The following ANAPC16 variants were observed in gnomAD, a reference collection of about 807,000 sequenced individuals.
ANAPC16 encodes the protein anaphase-promoting complex subunit 16.
A neutral mutation model predicts 13.1 loss-of-function variants in ANAPC16; 6 were observed. The ratio of observed to expected loss-of-function variants is 0.46; its 90% CI spans 0.25 to 0.90. The LOEUF (loss-of-function observed/expected upper bound fraction) is 0.90, where lower values mean the gene tolerates loss of function less well. Among genes scored for constraint, ANAPC16 ranks in the 40% least tolerant of loss-of-function variants. The pLI, the probability that ANAPC16 is intolerant of heterozygous loss-of-function variation, is 0.18. For missense variants in ANAPC16, 113 were observed against 131.1 expected (o/e 0.86, Z 0.67); for synonymous variants, 55 against 51.3 (o/e 1.07, Z -0.31).
Position 72,218,183 on chromosome 10 carries a change from T to A in ANAPC16, c.-28+2045T>A, listed in dbSNP as rs1416710971. On this transcript the variant is annotated intron_variant, in intron 1 of 3. Coordinates refer to ENST00000299381, the MANE Select transcript of ANAPC16 (RefSeq NM_173473.4). ...AAAAAAAAATATATATATATATATA[T>A]ATATATATATATATATATATATATA... 3.1e-3 allele frequency among the ~76,000 whole-genome samples: 120 copies of A among 39,154 alleles called. 4 individuals are homozygous for A. The highest frequency in any genetic ancestry group is 0.015 in the African/African-American group (99 of 6,704). 25.7% of individuals were successfully genotyped at this position (39,154 alleles called of 152,430 possible).
chr10:72,219,332 G>A (rs996866922), intron 1 of ANAPC16, among the ~76,000 whole-genome samples: 3 of 152,136 alleles, frequency 2.0e-5, no homozygotes, highest in African/African-American at 7.2e-5. Flanking sequence ...GTGTAGTCCG[G>A]AAGATTGGAT....
chr10:72,217,302 G>A (rs2133627808), intron 1 of ANAPC16, among the ~76,000 whole-genome samples: 1 of 152,002 alleles, frequency 6.6e-6, no homozygotes, highest in South Asian at 2.1e-4. Context: ...GTGAAACCCC[G>A]TCTCTCCTAA....
intron 1 of ANAPC16, among the ~76,000 whole-genome samples, chr10:72,222,035 C>T (rs1010353924): frequency 4.7e-5 from 7 of 148,726 alleles, no homozygotes; most frequent in African/African-American, 1.7e-4. Context: ...GCCATTTTTT[C>T]TTTAAAAAAT....
intron 1 of ANAPC16, among the ~76,000 whole-genome samples, chr10:72,222,726 G>A (rs868396216): frequency 1.2e-4 from 18 of 152,156 alleles, no homozygotes; most frequent in African/African-American, 4.3e-4. Flanking sequence ...GCGGTGAGCC[G>A]ATATCATGCC....
At chr10:72,225,524 T>A (rs1023489940) in intron 2 of ANAPC16, among the ~76,000 whole-genome samples, 2 of 143,218 alleles carry the variant, frequency 1.4e-5, no homozygotes, top group South Asian at 4.5e-4. Flanking sequence ...CAAGGTTGCA[T>A]TGAGCCATGA....
In ANAPC16 at chr10:72,227,036, A is replaced by G. The variant is rs77611834; in HGVS notation, c.142+2980A>G. ...TATTATGACTTCATTTATATGCAGC[A>G]AAGACCTAGTATTAAGGAAGTTTCC... On this transcript the variant is annotated intron_variant, in intron 2 of 3. Coordinates refer to ENST00000299381, the MANE Select transcript of ANAPC16 (RefSeq NM_173473.4). Among the ~76,000 whole-genome samples, 44 of 152,350 alleles carry G rather than the reference A, an allele frequency of 2.9e-4. No homozygotes were observed. In the East Asian group the frequency reaches 8.1e-3, roughly 28 times the overall value.
intron 1 of ANAPC16, among the ~76,000 whole-genome samples, chr10:72,222,970 G>T (rs7893855): frequency 0.08 from 12,089 of 151,694 alleles, 1,274 homozygotes; most frequent in African/African-American, 0.23. Flanking sequence ...ACAGGTAGGT[G>T]CTCTGTTCAT....
rs1314069333 is a variant in ANAPC16, at chr10:72,216,053, A to G, written c.-113A>G. ...TGGCTCCGTCTGTTGGGGGGCGAAC[A>G]CGCCGCGGTCCTCGTCGTGGTGAGC... On this transcript the variant is annotated 5_prime_UTR_variant, in exon 1 of 4. Coordinates refer to ENST00000299381, the MANE Select transcript of ANAPC16 (RefSeq NM_173473.4). 3 of 152,210 alleles carry G rather than the reference A, an allele frequency of 2.0e-5. No individual in the cohort carries two copies. Among genetic ancestry groups the G allele is most frequent in the East Asian group, 1.9e-4 (1 of 5,170 alleles). The allele number at this position is 152,210 out of a possible 1,614,324, so 9.4% of individuals were successfully genotyped here. A position where few individuals can be genotyped will look rare whatever the true frequency, so the allele number is the denominator to read the frequency against.
chr10:72,229,785 A>T (rs1173733112), intron 2 of ANAPC16, among the ~76,000 whole-genome samples: 3 of 152,158 alleles, frequency 2.0e-5, no homozygotes, highest in African/African-American at 4.8e-5. Flanking sequence ...CTTGCACCAT[A>T]CTCTTATCGT....
At chr10:72,217,259 G>T in intron 1 of ANAPC16, 1 of 351,818 alleles carries the variant, frequency 2.8e-6, no homozygotes, top group Non-Finnish European at 5.6e-6. Context: ...CGGATCACGA[G>T]GTCAGGAGAT....
At position 72,221,726 on chromosome 10, in the gene ANAPC16, ATTTTTTT is replaced by A. The variant is rs58310763; in HGVS notation, c.-27-2147_-27-2141del. 9.9e-3 allele frequency among the ~76,000 whole-genome samples: 1,003 copies of A among 101,072 alleles called. 11 individuals carry two copies. The highest frequency in any genetic ancestry group is 0.035 in the African/African-American group (943 of 27,084). The allele number at this position is 101,072 out of a possible 152,430, so 66.3% of individuals were successfully genotyped here. A position where few individuals can be genotyped will look rare whatever the true frequency, so the allele number is the denominator to read the frequency against. On this transcript the variant is annotated intron_variant, in intron 1 of 3. Coordinates refer to ENST00000299381, the MANE Select transcript of ANAPC16 (RefSeq NM_173473.4). ...GGCGCCCACCACCACACCCAGCTAA[ATTTTTTT>A]TTTTTTTTTTTTTTGAGACAGAGTC...
chr10:72,223,309 A>G (rs1860013014), intron 1 of ANAPC16: 1 of 152,040 alleles, frequency 6.6e-6, no homozygotes, highest in Non-Finnish European at 1.5e-5. Context: ...CAGGTGACCT[A>G]TCCGTCTCGG....
In ANAPC16 at chr10:72,230,426, A is replaced by C. The variant is rs1860260172; in HGVS notation, c.203A>C (p.Lys68Thr). 6.2e-7 allele frequency: 1 copy of C among 1,613,920 alleles called. No homozygotes were observed. Among genetic ancestry groups the C allele is most frequent in the Admixed American group, 1.7e-5 (1 of 59,996 alleles). The change falls in exon 3 of 4, where the codon AAA (lysine) becomes ACA (threonine). Residue 68 changes from lysine (K) to threonine (T), a missense_variant. By Grantham distance (78) the Lys-to-Thr change is moderately conservative. Coordinates refer to ENST00000299381, the MANE Select transcript of ANAPC16 (RefSeq NM_173473.4). ...VFSYQVASTL[K>T]QVKHDQQVAR... ...AGCTATCAAGTGGCATCCACGCTTA[A>C]ACAGGTGAAACATGGTAAGCACATG...
chr10:72,220,613 C>T (rs961384324), intron 1 of ANAPC16: 6 of 151,302 alleles, frequency 4.0e-5, no homozygotes, highest in African/African-American at 7.3e-5. Flanking sequence ...AGCATGATCA[C>T]GCCGCTGCAC....
At position 72,233,302 on chromosome 10, in the gene ANAPC16, G is replaced by A. The variant is rs1136518; in HGVS notation, c.*186G>A. 36,268 of 533,352 alleles carry A rather than the reference G, an allele frequency of 0.068. 5,890 individuals carry two copies. The highest frequency in any genetic ancestry group is 0.45 in the African/African-American group (23,554 of 52,850). The allele number at this position is 533,352 out of a possible 1,614,324, so 33.0% of individuals were successfully genotyped here. On this transcript the variant is annotated 3_prime_UTR_variant, in exon 4 of 4. Transcript: ENST00000299381. Reference sequence around the variant, plus strand: ...TTATATGTGTGATCTTTCAGGGAATGTTTTGTTTATTTGTTTTTAAAAGTA... The same window carrying A: ...TTATATGTGTGATCTTTCAGGGAATATTTTGTTTATTTGTTTTTAAAAGTA...
rs897284039 is a variant in ANAPC16 at position 72,221,074 on chromosome 10, G to A, written c.-27-2814G>A. 4.0e-5 allele frequency among the ~76,000 whole-genome samples: 6 copies of A among 151,828 alleles called. No homozygotes were observed. The East Asian group carries it at 5.8e-4, about 15-fold the overall frequency. On this transcript the variant is annotated intron_variant, in intron 1 of 3. Transcript: ENST00000299381. ...TGGGATTACAGGCGCCTGCCACCAC[G>A]CCCAGCTCATTTTTGTATTTTAATA... is the stretch of plus-strand genomic sequence containing the variant.
intron 2 of ANAPC16, among the ~76,000 whole-genome samples, chr10:72,226,092 T>C (rs1009255621): frequency 1.3e-5 from 2 of 150,530 alleles, no homozygotes; most frequent in African/African-American, 4.9e-5. Flanking sequence ...CTTGGCTCAC[T>C]ACAACCTCTG....
chr10:72,223,792 T>C, intron 1 of ANAPC16, 96 bp from the exon 2 acceptor site: 1 of 1,027,740 alleles, frequency 9.7e-7, no homozygotes, highest in Non-Finnish European at 1.4e-6. Flanking sequence ...GCTAACTCTT[T>C]ACAAAACTGT....
intron 1 of ANAPC16, chr10:72,223,055 G>A (rs893848593): frequency 4.0e-5 from 6 of 149,172 alleles, no homozygotes; most frequent in African/African-American, 1.5e-4. Context: ...TGATAAGTTT[G>A]GGTATTACAT....
Sources: allele counts gnomAD v4.1 joint callset (sites outside exome capture counted in the v4.1 genomes callset), GRCh38; gene constraint gnomAD v4.1.1; transcripts MANE v1.5; gene names NCBI Gene and HGNC (gene_info 2026-07-23, HGNC 2026-07-21).